The following TIAM1 variants were observed in gnomAD, a reference collection of about 807,000 sequenced individuals.
TIAM1 encodes rho guanine nucleotide exchange factor TIAM1.
In TIAM1, 65 loss-of-function variants were observed where a neutral mutation model predicts 163.5. That is an observed-to-expected ratio of 0.40 (90% CI 0.33 to 0.49). TIAM1 has a LOEUF of 0.49. Ranked by LOEUF, TIAM1 falls within the 20% of genes least tolerant of loss-of-function variation. The pLI is 0.77. For missense variants in TIAM1, 1,789 were observed against 2,044.7 expected (o/e 0.87, Z 2.41); for synonymous variants, 833 against 810.1 (o/e 1.03, Z -0.48).
intron 1 of TIAM1, among the ~76,000 whole-genome samples, chr21:31,544,441 C>T (rs1223858243): frequency 6.8e-6 from 1 of 147,642 alleles, no homozygotes; most frequent in Admixed American, 6.9e-5. Flanking sequence ...GCAGCCTGGC[C>T]AACATGGTGA....
At chr21:31,172,594 C>T (rs1346651026) in intron 15 of TIAM1, among the ~76,000 whole-genome samples, 1 of 152,106 alleles carries the variant, frequency 6.6e-6, no homozygotes, top group East Asian at 1.9e-4. Flanking sequence ...AGGCATGCAG[C>T]AGGGGACCGG....
chr21:31,210,782 GAA>G (rs1296235237), intron 10 of TIAM1, among the ~76,000 whole-genome samples: 1 of 141,250 alleles, frequency 7.1e-6, no homozygotes, highest in African/African-American at 3.1e-5. Flanking sequence ...AAGAAAGAAA[GAA>G]AGAAAGAAAG....
At chr21:31,374,780 C>T (rs747574175) in intron 2 of TIAM1, among the ~76,000 whole-genome samples, 13 of 152,080 alleles carry the variant, frequency 8.5e-5, no homozygotes, top group Non-Finnish European at 1.5e-4. Context: ...GCTTCTAGGA[C>T]CAAAGCGACA....
At chr21:31,531,395 G>A (rs2047965379) in intron 1 of TIAM1, among the ~76,000 whole-genome samples, 1 of 152,166 alleles carries the variant, frequency 6.6e-6, no homozygotes, top group Non-Finnish European at 1.5e-5. Context: ...AGTGAGAGGA[G>A]ACTGTATGGA....
chr21:31,295,950 A>C (rs2074245042), intron 2 of TIAM1, among the ~76,000 whole-genome samples: 1 of 152,058 alleles, frequency 6.6e-6, no homozygotes. Flanking sequence ...GGCATACAAC[A>C]CCGCTCCTGG....
chr21:31,246,544 G>A (rs773267208), intron 5 of TIAM1, among the ~76,000 whole-genome samples: 20 of 150,816 alleles, frequency 1.3e-4, no homozygotes, highest in South Asian at 2.2e-4. Context: ...TAAGCTGTCC[G>A]TCCATTTTCA....
At chr21:31,302,624 C>T (rs2074547935) in intron 2 of TIAM1, among the ~76,000 whole-genome samples, 1 of 152,206 alleles carries the variant, frequency 6.6e-6, no homozygotes, top group African/African-American at 2.4e-5. Flanking sequence ...CACTACACCA[C>T]AAAAGCCAGG....
At chr21:31,545,430 G>A (rs542337991) in intron 1 of TIAM1, among the ~76,000 whole-genome samples, 2 of 152,154 alleles carry the variant, frequency 1.3e-5, no homozygotes, top group East Asian at 1.9e-4. Context: ...CCTTGTTACC[G>A]GGAGGAAACT....
At chr21:31,445,718 G>A (rs1203291445) in intron 2 of TIAM1, among the ~76,000 whole-genome samples, 1 of 152,050 alleles carries the variant, frequency 6.6e-6, no homozygotes, top group African/African-American at 2.4e-5. Context: ...GTTTATTCAA[G>A]ACTATCAACC....
intron 2 of TIAM1, among the ~76,000 whole-genome samples, chr21:31,378,846 C>T (rs959479597): frequency 4.6e-5 from 7 of 152,052 alleles, no homozygotes; most frequent in African/African-American, 1.4e-4. Flanking sequence ...CTAAATAATG[C>T]AGTATAACAA....
intron 2 of TIAM1, among the ~76,000 whole-genome samples, chr21:31,337,518 G>GTTATTATTGTTGTTATTATTATTATTA (rs1555946484): frequency 6.8e-6 from 1 of 147,258 alleles, no homozygotes; most frequent in African/African-American, 2.5e-5. Flanking sequence ...TATTATTGTT[G>GTTATTATTGTTGTTATTATTATTATTA]TTATTATTAT....
chr21:31,200,507 A>T (rs2086142509), intron 12 of TIAM1, among the ~76,000 whole-genome samples: 1 of 152,204 alleles, frequency 6.6e-6, no homozygotes, highest in Admixed American at 6.5e-5. Flanking sequence ...AGCTGCTGCT[A>T]GTGTCTCAAA....
chr21:31,458,156 A>C (rs1259149394), intron 2 of TIAM1, among the ~76,000 whole-genome samples: 1 of 152,206 alleles, frequency 6.6e-6, no homozygotes, highest in Non-Finnish European at 1.5e-5. Flanking sequence ...GCGGGGGCTC[A>C]CGCCTGTAAT....
At chr21:31,310,328 G>T (rs1352504425) in intron 2 of TIAM1, among the ~76,000 whole-genome samples, 1 of 152,172 alleles carries the variant, frequency 6.6e-6, no homozygotes, top group African/African-American at 2.4e-5. Context: ...AGGAAGCTTG[G>T]GTCCTTGTAT....
At chr21:31,229,077 G>C (rs1288176550) in intron 6 of TIAM1, among the ~76,000 whole-genome samples, 1 of 152,176 alleles carries the variant, frequency 6.6e-6, no homozygotes, top group Non-Finnish European at 1.5e-5. Flanking sequence ...AGATTTGGGT[G>C]GGGGCACAGC....
chr21:31,355,241 G>A (rs1016569508), intron 2 of TIAM1, among the ~76,000 whole-genome samples: 5 of 150,528 alleles, frequency 3.3e-5, no homozygotes, highest in Non-Finnish European at 7.4e-5. Context: ...CACACACACA[G>A]ATACTACTGA....
At chr21:31,242,860 CAAAAAAAAAAA>C (rs11417948) in intron 6 of TIAM1, among the ~76,000 whole-genome samples, 1 of 95,094 alleles carries the variant, frequency 1.1e-5, no homozygotes, top group Non-Finnish European at 2.0e-5. Flanking sequence ...GACTCTGTCT[CAAAAAAAAAAA>C]AAAAAAAAGA....
chr21:31,279,927 G>C (rs1452309199), intron 2 of TIAM1, among the ~76,000 whole-genome samples: 1 of 152,112 alleles, frequency 6.6e-6, no homozygotes, highest in Admixed American at 6.5e-5. Flanking sequence ...AATTTGCTGT[G>C]GAACAAGGAG....
In TIAM1 at chr21:31,223,542, C is replaced by T. The variant is rs2087751958; in HGVS notation, c.1859G>A (p.Arg620His). The T allele has an allele frequency of 3.7e-6, 6 of 1,613,126 alleles. No homozygotes were observed. The highest frequency in any genetic ancestry group is 5.1e-6 in the Non-Finnish European group (6 of 1,179,296). Reference protein sequence around the residue: ...NLEQFQMDLFRFRCYLASLQG... With the variant: ...NLEQFQMDLFHFRCYLASLQG... ...AAGGCTGGCTAAATAACAGCGGAAA[C>T]GAAACAGGTCCATTTGGAACTGCTC... Residue 620 changes from arginine (R) to histidine (H), a missense_variant, in exon 8 of 28, where the codon CGT becomes CAT. This residue lies in a region of TIAM1 where 456 missense variants were observed against 586.6 expected (regional missense o/e 0.78). Transcript: ENST00000541036.
Sources: allele counts gnomAD v4.1 joint callset (sites outside exome capture counted in the v4.1 genomes callset), GRCh38; gene constraint gnomAD v4.1.1; regional missense constraint gnomAD v4.1.1; transcripts MANE v1.5; gene names NCBI Gene and HGNC (gene_info 2026-07-23, HGNC 2026-07-21).